ZHX2: variants seen among roughly 807,000 people sequenced by gnomAD.
ZHX2 encodes the protein zinc fingers and homeoboxes 2, also known as zinc fingers and homeoboxes protein 2.
In ZHX2, 6 loss-of-function variants were observed where a neutral mutation model predicts 21.9. The observed-to-expected ratio is 0.27, with a 90% CI of 0.15 to 0.54. ZHX2 has a LOEUF of 0.54. Among genes scored for constraint, ZHX2 ranks in the 20% least tolerant of loss-of-function variants. The pLI is 0.95. For missense variants in ZHX2, 908 were observed against 1,090.7 expected, an observed-to-expected ratio of 0.83 and a Z score of 2.36; for synonymous variants, 434 against 437.1, an observed-to-expected ratio of 0.99 and a Z score of 0.09.
At position 122,850,216 on chromosome 8, in the gene ZHX2, A is replaced by AC. The variant is rs923677973; in HGVS notation, c.-282-13254dup. Among the ~76,000 whole-genome samples, 8 of 151,700 alleles carry AC rather than the reference A, an allele frequency of 5.3e-5. No homozygotes were observed. In the South Asian group the frequency reaches 6.3e-4, roughly 12 times the overall value. On this transcript the variant is annotated intron_variant, in intron 1 of 3. Transcript: ENST00000314393. ...CATCCTCGCAAGAGCCCCGTGTCGC[A>AC]CCCCCCCTCAGGTGCCCTTCATGTT... is the stretch of plus-strand genomic sequence containing the variant.
chr8:122,791,453 C>G (rs1817517245), intron 1 of ZHX2, among the ~76,000 whole-genome samples: 1 of 152,086 alleles, frequency 6.6e-6, no homozygotes, highest in African/African-American at 2.4e-5. Context: ...GGGTGACTGC[C>G]CACTTTAGTT....
intron 2 of ZHX2, among the ~76,000 whole-genome samples, chr8:122,907,555 G>C (rs1820378949): frequency 6.6e-6 from 1 of 151,938 alleles, no homozygotes; most frequent in South Asian, 2.1e-4. Context: ...TGATTTGGGG[G>C]GCCCAAAATA....
At chr8:122,789,563 G>A (rs938239449) in intron 1 of ZHX2, among the ~76,000 whole-genome samples, 4 of 152,258 alleles carry the variant, frequency 2.6e-5, no homozygotes, top group Admixed American at 2.6e-4. Flanking sequence ...GTGGTGGTCC[G>A]GAGGGAGTAG....
At chr8:122,940,226 C>G (rs987025843) in intron 2 of ZHX2, among the ~76,000 whole-genome samples, 16 of 152,212 alleles carry the variant, frequency 1.1e-4, no homozygotes, top group Non-Finnish European at 7.3e-5. Context: ...TTCTACTGAC[C>G]TGGTGAGCAC....
At position 122,902,047 on chromosome 8, in the gene ZHX2, G is replaced by A. The variant is rs920662645; in HGVS notation, c.-220+38508G>A. Among the ~76,000 whole-genome samples the A allele has an allele frequency of 2.6e-5, 4 of 151,998 alleles. 1 individual carries two copies. Among genetic ancestry groups the A allele is most frequent in the Admixed American group, 2.6e-4 (4 of 15,266 alleles). ...AAAAAAAAAAAGAATGTTTTATGAAGTTAGTAAAACAGAATAAGTAGCCTG... is the reference window on the plus strand; with the variant it reads ...AAAAAAAAAAAGAATGTTTTATGAAATTAGTAAAACAGAATAAGTAGCCTG... On this transcript the variant is annotated intron_variant, in intron 2 of 3. Transcript: ENST00000314393.
Position 122,836,078 on chromosome 8 carries a change from G to A in ZHX2, c.-282-27399G>A, listed in dbSNP as rs550033404. On this transcript the variant is annotated intron_variant, in intron 1 of 3. Coordinates refer to ENST00000314393, the MANE Select transcript of ZHX2 (RefSeq NM_014943.5). ...GAACAAGGAAGAGGAGAACATCCTGGACAGCAAGAGGGGGACAATAAAAGG... is the reference window on the plus strand; with the variant it reads ...GAACAAGGAAGAGGAGAACATCCTGAACAGCAAGAGGGGGACAATAAAAGG... 1.7e-3 allele frequency among the ~76,000 whole-genome samples: 256 copies of A among 152,212 alleles called. 2 individuals are homozygous for A. The highest frequency in any genetic ancestry group is 5.7e-3 in the African/African-American group (238 of 41,524).
At chr8:122,870,638 CAAAAAAAAAAAAAAA>C (rs59071295) in intron 2 of ZHX2, among the ~76,000 whole-genome samples, 3 of 63,908 alleles carry the variant, frequency 4.7e-5, no homozygotes, top group Non-Finnish European at 5.5e-5. Flanking sequence ...GTCTCTGTCT[CAAAAAAAAAAAAAAA>C]AAAAAAAAAA....
chr8:122,852,927 C>T (rs1398251968), intron 1 of ZHX2, among the ~76,000 whole-genome samples: 2 of 152,066 alleles, frequency 1.3e-5, no homozygotes, highest in Non-Finnish European at 2.9e-5. Flanking sequence ...CCCTTATGGT[C>T]ACCTGGTGTT....
intron 1 of ZHX2, among the ~76,000 whole-genome samples, chr8:122,854,022 C>T (rs1818968727): frequency 6.6e-6 from 1 of 152,150 alleles, no homozygotes; most frequent in South Asian, 2.1e-4. Flanking sequence ...GAATGGTATA[C>T]CTCTCTACAT....
intron 2 of ZHX2, among the ~76,000 whole-genome samples, chr8:122,866,437 C>T (rs1819298786): frequency 2.6e-5 from 4 of 152,226 alleles, no homozygotes. Flanking sequence ...ACAGAATGAG[C>T]TTGCTTAGTG....
chr8:122,865,733 A>T (rs914018217), intron 2 of ZHX2, among the ~76,000 whole-genome samples: 1 of 152,216 alleles, frequency 6.6e-6, no homozygotes, highest in Non-Finnish European at 1.5e-5. Flanking sequence ...GTAAGTGCTC[A>T]ATAAATATTA....
chr8:122,829,362 G>A (rs149096969), intron 1 of ZHX2, among the ~76,000 whole-genome samples: 3 of 152,240 alleles, frequency 2.0e-5, no homozygotes, highest in African/African-American at 7.2e-5. Context: ...AACAAGGCTT[G>A]TTAACTTTTA....
intron 2 of ZHX2, among the ~76,000 whole-genome samples, chr8:122,876,237 G>A (rs1819569492): frequency 6.6e-6 from 1 of 151,348 alleles, no homozygotes; most frequent in Non-Finnish European, 1.5e-5. Context: ...AACCCCAAGT[G>A]CCTGGGTCCT....
In ZHX2 at chr8:122,952,590, C is replaced by T. The variant is rs1210097837; in HGVS notation, c.1080C>T (p.Pro360=). ...TGGCCCCCACAAAGGTGACGCAGCC[C>T]ATCCTCCAGACGGCTCTACCGTGCC... ...AQLAPTKVTQ[P]ILQTALPCQI... Residue 360 remains proline (P), a synonymous_variant, in exon 3 of 4, where the codon CCC becomes CCT. Transcript: ENST00000314393. This position sits in a 1 kb window ranked among gnomAD's most constrained non-coding sequence, Gnocchi z 6.9. The T allele has an allele frequency of 2.5e-6, 4 of 1,614,086 alleles. No homozygotes were observed. The highest frequency in any genetic ancestry group is 1.1e-5 in the South Asian group (1 of 91,084).
At chr8:122,945,023 T>A (rs1812935605) in intron 2 of ZHX2, among the ~76,000 whole-genome samples, 1 of 152,036 alleles carries the variant, frequency 6.6e-6, no homozygotes, top group Admixed American at 6.6e-5. Context: ...AAGACGGTCA[T>A]CTCCAAGCTA....
intron 3 of ZHX2, among the ~76,000 whole-genome samples, chr8:122,962,041 A>G (rs1563609014): frequency 2.0e-5 from 3 of 152,100 alleles, no homozygotes; most frequent in Non-Finnish European, 2.9e-5. Context: ...TGGGGCTGTG[A>G]CACAGGGTAG....
intron 2 of ZHX2, among the ~76,000 whole-genome samples, chr8:122,880,414 T>C (rs1819684970): frequency 6.6e-6 from 1 of 151,994 alleles, no homozygotes; most frequent in Non-Finnish European, 1.5e-5. Context: ...CTCTTTCCTG[T>C]GAAAAGGCCC....
At chr8:122,847,431 T>C (rs1177423845) in intron 1 of ZHX2, among the ~76,000 whole-genome samples, 2 of 152,188 alleles carry the variant, frequency 1.3e-5, no homozygotes, top group Non-Finnish European at 2.9e-5. Flanking sequence ...GTTTCTCCAA[T>C]TGGGAGCACC....
At chr8:122,893,852 T>C (rs1281485127) in intron 2 of ZHX2, among the ~76,000 whole-genome samples, 1 of 152,232 alleles carries the variant, frequency 6.6e-6, no homozygotes, top group Admixed American at 6.5e-5. Context: ...ACTGGAAAAT[T>C]ATTGTTTTCC....
Sources: allele counts gnomAD v4.1 joint callset (sites outside exome capture counted in the v4.1 genomes callset), GRCh38; gene constraint gnomAD v4.1.1; non-coding constraint Gnocchi (gnomAD v3.1); transcripts MANE v1.5; gene names NCBI Gene and HGNC (gene_info 2026-07-23, HGNC 2026-07-21).